KCNIP4: variants seen among roughly 807,000 people sequenced by gnomAD.
KCNIP4 encodes Kv channel-interacting protein 4.
A neutral mutation model predicts 34.0 loss-of-function variants in KCNIP4; 12 were observed. The observed-to-expected ratio is 0.35, with a 90% CI of 0.23 to 0.57. The LOEUF is 0.57. Ranked by LOEUF, KCNIP4 falls within the 20% of genes least tolerant of loss-of-function variation. The probability of loss-of-function intolerance (pLI) is 0.83; values close to 1 mark genes in which losing one functional copy is unlikely to be tolerated. For missense variants in KCNIP4, 238 were observed against 311.7 expected, an observed-to-expected ratio of 0.76 and a Z score of 1.78; for synonymous variants, 124 against 102.2, an observed-to-expected ratio of 1.21 and a Z score of -1.29.
At chr4:21,897,868 G>A (rs1430579746) in intron 1 of KCNIP4, among the ~76,000 whole-genome samples, 2 of 152,142 alleles carry the variant, frequency 1.3e-5, no homozygotes, top group East Asian at 3.9e-4. Flanking sequence ...GAATACAGGA[G>A]GGAAGACGGT....
At chr4:21,689,725 TATG>T (rs1751103875) in intron 1 of KCNIP4, among the ~76,000 whole-genome samples, 1 of 152,164 alleles carries the variant, frequency 6.6e-6, no homozygotes, top group African/African-American at 2.4e-5. Flanking sequence ...AAATGCTTTT[TATG>T]ATGATATAGA....
chr4:21,056,902 G>A (rs1743457865), intron 1 of KCNIP4, among the ~76,000 whole-genome samples: 1 of 152,172 alleles, frequency 6.6e-6, no homozygotes, highest in African/African-American at 2.4e-5. Flanking sequence ...GCTCCCTTAT[G>A]AGAAGAGAAC....
At chr4:21,922,395 C>T (rs970327585) in intron 1 of KCNIP4, among the ~76,000 whole-genome samples, 2 of 152,186 alleles carry the variant, frequency 1.3e-5, no homozygotes, top group African/African-American at 2.4e-5. Context: ...CAGTAAGTAT[C>T]TGGTGAATTG....
At position 21,519,538 on chromosome 4, in the gene KCNIP4, G is replaced by GTA. The variant is rs557718052; in HGVS notation, c.61+429031_61+429032dup. ...TACACATATGTGTGTATGTGTATGT[G>GTA]TATATACACATATGTGTGTATGTGT... On this transcript the variant is annotated intron_variant, in intron 1 of 8. Transcript: ENST00000382152. 1.7e-4 allele frequency among the ~76,000 whole-genome samples: 14 copies of GTA among 80,292 alleles called. 3 individuals carry two copies. Among genetic ancestry groups the GTA allele is most frequent in the South Asian group, 8.1e-4 (2 of 2,476 alleles). The allele number at this position is 80,292 out of a possible 152,430, so 52.7% of individuals were successfully genotyped here.
At chr4:21,255,090 C>A (rs192464589) in intron 1 of KCNIP4, among the ~76,000 whole-genome samples, 73 of 152,236 alleles carry the variant, frequency 4.8e-4, no homozygotes, top group African/African-American at 1.6e-3. Context: ...CCTCTACCCC[C>A]ACCCTGGCTG....
intron 1 of KCNIP4, among the ~76,000 whole-genome samples, chr4:21,136,526 T>G (rs1367120858): frequency 3.3e-5 from 5 of 152,222 alleles, no homozygotes; most frequent in Admixed American, 6.5e-5. Context: ...TTGAGAAAAC[T>G]GATTGCTAGA....
At chr4:21,796,000 C>T (rs113720294) in intron 1 of KCNIP4, among the ~76,000 whole-genome samples, 36 of 152,184 alleles carry the variant, frequency 2.4e-4, no homozygotes, top group African/African-American at 8.7e-4. Flanking sequence ...ACCCAGGAGG[C>T]GGAGGTAGCA....
At chr4:20,816,368 T>C (rs1223624638) in intron 3 of KCNIP4, among the ~76,000 whole-genome samples, 2 of 151,852 alleles carry the variant, frequency 1.3e-5, no homozygotes, top group East Asian at 1.9e-4. Flanking sequence ...TAGGGAGAAA[T>C]TGTCTCTTCT....
At chr4:20,795,976 A>T (rs1198967419) in intron 3 of KCNIP4, among the ~76,000 whole-genome samples, 1 of 152,202 alleles carries the variant, frequency 6.6e-6, no homozygotes, top group African/African-American at 2.4e-5. Flanking sequence ...ACACACGTCA[A>T]TTATAATTGA....
intron 1 of KCNIP4, among the ~76,000 whole-genome samples, chr4:20,982,284 G>A (rs1736137792): frequency 1.3e-5 from 2 of 152,122 alleles, no homozygotes. Context: ...GGGGGCTGTG[G>A]CTCAACTAAG....
At chr4:21,391,624 G>C (rs1190843241) in intron 1 of KCNIP4, among the ~76,000 whole-genome samples, 1 of 151,974 alleles carries the variant, frequency 6.6e-6, no homozygotes, top group East Asian at 1.9e-4. Context: ...AGCCTCACTT[G>C]ACGCCATTCC....
intron 1 of KCNIP4, among the ~76,000 whole-genome samples, chr4:21,933,157 T>C: frequency 6.6e-6 from 1 of 152,026 alleles, no homozygotes; most frequent in Non-Finnish European, 1.5e-5. Context: ...TTGCTGATTA[T>C]AGAAATATTG....
At chr4:20,731,948 T>TG (rs1466229477) in intron 8 of KCNIP4, 58 bp downstream of exon 8, 1 of 1,603,828 alleles carries the variant, frequency 6.2e-7, no homozygotes, top group Non-Finnish European at 8.5e-7. Context: ...TAGCTGCTAA[T>TG]ACTCAGTTTA....
intron 1 of KCNIP4, among the ~76,000 whole-genome samples, chr4:21,334,202 G>A (rs1328286806): frequency 6.6e-6 from 1 of 151,942 alleles, no homozygotes; most frequent in Admixed American, 6.6e-5. Context: ...GTATGACACT[G>A]AATAAATTAT....
chr4:20,903,733 T>C (rs931235776), intron 1 of KCNIP4, among the ~76,000 whole-genome samples: 1 of 152,176 alleles, frequency 6.6e-6, no homozygotes, highest in Admixed American at 6.5e-5. Flanking sequence ...CAGGATCTCC[T>C]GAGGGCTGCG....
intron 1 of KCNIP4, among the ~76,000 whole-genome samples, chr4:21,546,754 C>T (rs2109008619): frequency 6.6e-6 from 1 of 152,152 alleles, no homozygotes; most frequent in South Asian, 2.1e-4. Flanking sequence ...CATATCCATG[C>T]ATACATTAAC....
chr4:21,020,443 C>T (rs1352693949), intron 1 of KCNIP4, among the ~76,000 whole-genome samples: 3 of 152,100 alleles, frequency 2.0e-5, no homozygotes, highest in African/African-American at 7.2e-5. Context: ...CAACTTCAAA[C>T]AGAAACTATT....
intron 1 of KCNIP4, among the ~76,000 whole-genome samples, chr4:21,827,654 A>G (rs2109300736): frequency 6.6e-6 from 1 of 152,138 alleles, no homozygotes; most frequent in African/African-American, 2.4e-5. Context: ...TAGAACCACA[A>G]AATAAATAAT....
intron 1 of KCNIP4, among the ~76,000 whole-genome samples, chr4:21,810,306 C>T (rs1721554156): frequency 6.6e-6 from 1 of 152,144 alleles, no homozygotes; most frequent in Admixed American, 6.5e-5. Context: ...GAGATTACAA[C>T]TCCAAGAAGT....
Sources: gnomAD v4.1 joint callset for allele counts (sites outside exome capture counted in the v4.1 genomes callset) on GRCh38, gnomAD v4.1.1 for gene constraint, MANE v1.5 for transcripts, NCBI Gene and HGNC (gene_info 2026-07-23, HGNC 2026-07-21) for gene names.